The following PPARGC1A variants were observed in gnomAD, a reference collection of about 807,000 sequenced individuals.
PPARGC1A encodes PPARG coactivator 1 alpha, also known as peroxisome proliferator-activated receptor gamma coactivator 1-alpha.
PPARGC1A carries 25 observed loss-of-function variants against 88.7 expected under a neutral mutation model. The observed-to-expected ratio is 0.28, with a 90% CI of 0.21 to 0.39. PPARGC1A has a LOEUF of 0.39. Ranked by LOEUF, PPARGC1A falls within the 10% of genes least tolerant of loss-of-function variation. PPARGC1A has a pLI of 1.00. For missense variants in PPARGC1A, 880 were observed against 968.7 expected, an observed-to-expected ratio of 0.91 and a Z score of 1.22; for synonymous variants, 363 against 355.6, an observed-to-expected ratio of 1.02 and a Z score of -0.24.
the PPARGC1A span, among the ~76,000 whole-genome samples, chr4:24,442,357 G>GA: frequency 5.9e-5 from 9 of 151,764 alleles, no homozygotes; most frequent in South Asian, 4.2e-4. Flanking sequence ...GCAGTAAGGG[G>GA]AAAAAAAATC....
chr4:24,355,227 A>G, the PPARGC1A span, among the ~76,000 whole-genome samples: 4 of 152,186 alleles, frequency 2.6e-5, no homozygotes, highest in African/African-American at 9.6e-5. Flanking sequence ...TCCTTTCTAT[A>G]GCTTATGAGG....
At chr4:23,895,152 T>C (rs1300214381) in intron 1 of PPARGC1A, among the ~76,000 whole-genome samples, 2 of 146,800 alleles carry the variant, frequency 1.4e-5, no homozygotes, top group African/African-American at 5.0e-5. Flanking sequence ...ACACAAATTG[T>C]TTAACTGAAA....
the PPARGC1A span, among the ~76,000 whole-genome samples, chr4:23,970,708 G>A: frequency 6.6e-6 from 1 of 152,088 alleles, no homozygotes; most frequent in South Asian, 2.1e-4. Flanking sequence ...TACTTTAACT[G>A]CAGCTAAGGG....
chr4:24,019,086 C>A, the PPARGC1A span, among the ~76,000 whole-genome samples: 1 of 152,112 alleles, frequency 6.6e-6, no homozygotes, highest in African/African-American at 2.4e-5. Context: ...CACTAAATAT[C>A]ATCCACATGG....
the PPARGC1A span, among the ~76,000 whole-genome samples, chr4:24,288,128 G>C: frequency 6.6e-6 from 1 of 152,118 alleles, no homozygotes; most frequent in Non-Finnish European, 1.5e-5. Flanking sequence ...CCTGTTCTCT[G>C]AGTAGCTTTA....
At chr4:23,886,122 T>C (rs150235438) in intron 1 of PPARGC1A, among the ~76,000 whole-genome samples, 440 of 152,228 alleles carry the variant, frequency 2.9e-3, no homozygotes, top group African/African-American at 9.9e-3. Context: ...TTCATCCACC[T>C]GTAAGTGGGG....
At chr4:23,880,334 T>C (rs1225921867) in intron 2 of PPARGC1A, among the ~76,000 whole-genome samples, 1 of 152,250 alleles carries the variant, frequency 6.6e-6, no homozygotes, top group African/African-American at 2.4e-5. Context: ...GCTTTGTATA[T>C]AATCTTCACA....
chr4:24,173,680 C>T, the PPARGC1A span, among the ~76,000 whole-genome samples: 1 of 152,192 alleles, frequency 6.6e-6, no homozygotes, highest in African/African-American at 2.4e-5. Context: ...ATGGTTGGAA[C>T]TGAGTTCTAG....
chr4:23,982,122 G>A, the PPARGC1A span, among the ~76,000 whole-genome samples: 12 of 152,146 alleles, frequency 7.9e-5, no homozygotes, highest in Non-Finnish European at 1.3e-4. Context: ...ACTTCTGAGA[G>A]AGAATCTCCT....
At chr4:24,421,954 A>C in the PPARGC1A span, among the ~76,000 whole-genome samples, 1 of 152,220 alleles carries the variant, frequency 6.6e-6, no homozygotes, top group East Asian at 1.9e-4. Flanking sequence ...AAATAACGTA[A>C]GTCAGTTTAA....
chr4:23,985,812 A>G, the PPARGC1A span, among the ~76,000 whole-genome samples: 126,259 of 151,934 alleles, frequency 0.83, 52,576 homozygotes, highest in Non-Finnish European at 0.84. Flanking sequence ...ATGAGAGTCA[A>G]TTATGCCAAA....
chr4:23,979,399 C>T, the PPARGC1A span, among the ~76,000 whole-genome samples: 1 of 152,136 alleles, frequency 6.6e-6, no homozygotes, highest in Non-Finnish European at 1.5e-5. Context: ...AGGGCATGAG[C>T]AACATTAATG....
At chr4:24,160,736 A>T in the PPARGC1A span, among the ~76,000 whole-genome samples, 1 of 152,212 alleles carries the variant, frequency 6.6e-6, no homozygotes, top group Non-Finnish European at 1.5e-5. Flanking sequence ...CTTGTTCTTC[A>T]TACCTAGAAC....
chr4:23,937,211 C>T, the PPARGC1A span, among the ~76,000 whole-genome samples: 1 of 151,740 alleles, frequency 6.6e-6, no homozygotes, highest in Non-Finnish European at 1.5e-5. Context: ...ATTTGTCTTA[C>T]TTCTACTGCT....
At chr4:23,889,466 A>G (rs1351554934) in intron 1 of PPARGC1A, 1 of 727,458 alleles carries the variant, frequency 1.4e-6, no homozygotes, top group Non-Finnish European at 1.7e-6. Context: ...AATCCGGACT[A>G]GAGTCAAAAC....
chr4:24,436,639 C>T, the PPARGC1A span, among the ~76,000 whole-genome samples: 2 of 138,784 alleles, frequency 1.4e-5, no homozygotes, highest in Non-Finnish European at 3.2e-5. Context: ...ACATTGCTGA[C>T]ATCGATTGGC....
chr4:23,913,394 C>G, the PPARGC1A span, among the ~76,000 whole-genome samples: 2 of 151,170 alleles, frequency 1.3e-5, no homozygotes, highest in Non-Finnish European at 2.9e-5. Flanking sequence ...AGTGATCAAG[C>G]ACTTTAAAAA....
At chr4:23,855,183 C>A (rs1422559621) in intron 2 of PPARGC1A, among the ~76,000 whole-genome samples, 1 of 152,076 alleles carries the variant, frequency 6.6e-6, no homozygotes, top group Non-Finnish European at 1.5e-5. Context: ...TGTGAGGCCT[C>A]CCCAGCCATA....
the PPARGC1A span, among the ~76,000 whole-genome samples, chr4:24,073,945 G>T: frequency 1.3e-5 from 2 of 152,198 alleles, no homozygotes; most frequent in African/African-American, 2.4e-5. Context: ...GATGGCTCCT[G>T]GTGAGTATCC....
Sources: gnomAD v4.1 joint callset for allele counts (sites outside exome capture counted in the v4.1 genomes callset) on GRCh38, gnomAD v4.1.1 for gene constraint, MANE v1.5 for transcripts, NCBI Gene and HGNC (gene_info 2026-07-23, HGNC 2026-07-21) for gene names.